The following NDC1 variants were observed in gnomAD, a reference collection of about 807,000 sequenced individuals.
The protein encoded by NDC1 is nucleoporin NDC1.
A neutral mutation model predicts 89.8 loss-of-function variants in NDC1; 24 were observed. The observed-to-expected ratio is 0.27, with a 90% confidence interval of 0.19 to 0.38. The LOEUF (loss-of-function observed/expected upper bound fraction) is 0.38, where lower values mean the gene tolerates loss of function less well. NDC1 is among the 10% of genes least tolerant of loss of function. NDC1 has a pLI of 1.00. For missense variants in NDC1, 728 were observed against 797.6 expected (o/e 0.91, Z 1.05); for synonymous variants, 296 against 284.8 (o/e 1.04, Z -0.39).
intron 11 of NDC1, among the ~76,000 whole-genome samples, chr1:53,797,877 C>T (rs1230811467): frequency 6.6e-6 from 1 of 152,082 alleles, no homozygotes; most frequent in Non-Finnish European, 1.5e-5. Context: ...TCCTCCTGCA[C>T]TGGCCTCCCA....
intron 11 of NDC1, among the ~76,000 whole-genome samples, chr1:53,798,274 A>T (rs1647792356): frequency 6.7e-6 from 1 of 150,224 alleles, no homozygotes; most frequent in Admixed American, 6.6e-5. Flanking sequence ...GTTCAAGTGA[A>T]ATCTCCTGCC....
Position 53,818,823 on chromosome 1 carries a change from T to C in NDC1, c.703+148A>G, listed in dbSNP as rs1648564031. ...TTCAACAATATTTTCCTAAATACATTCTCTTTGACAATTTAAACAATGAAT... is the reference window on the plus strand; with the variant it reads ...TTCAACAATATTTTCCTAAATACATCCTCTTTGACAATTTAAACAATGAAT... On this transcript the variant is annotated intron_variant, in intron 6 of 17. Transcript: ENST00000371429. 3 of 537,646 alleles carry C rather than the reference T, an allele frequency of 5.6e-6. No individual in the cohort carries two copies. The South Asian group carries it at 9.1e-5, about 16-fold the overall frequency. 33.3% of individuals were successfully genotyped at this position (537,646 alleles called of 1,614,324 possible). A position where few individuals can be genotyped will look rare whatever the true frequency, so the allele number is the denominator to read the frequency against.
At chr1:53,819,295 A>G (rs566746865) in intron 5 of NDC1, among the ~76,000 whole-genome samples, 53 of 152,350 alleles carry the variant, frequency 3.5e-4, no homozygotes, top group African/African-American at 1.3e-3. Flanking sequence ...ATAAAATCAG[A>G]AATAAGAAAA....
chr1:53,830,838 G>A (rs1649038320), intron 3 of NDC1, among the ~76,000 whole-genome samples: 1 of 151,814 alleles, frequency 6.6e-6, no homozygotes, highest in Admixed American at 6.6e-5. Context: ...CTCCAGCCTG[G>A]GCAACAAGAG....
chr1:53,832,072 T>C (rs1649085411), intron 3 of NDC1, among the ~76,000 whole-genome samples: 1 of 152,172 alleles, frequency 6.6e-6, no homozygotes, highest in Non-Finnish European at 1.5e-5. Flanking sequence ...ATTCGAACCA[T>C]TTTTAAGTAC....
chr1:53,828,955 A>T (rs1648965987), intron 3 of NDC1, among the ~76,000 whole-genome samples: 1 of 152,140 alleles, frequency 6.6e-6, no homozygotes, highest in Non-Finnish European at 1.5e-5. Flanking sequence ...TGAAACTGTC[A>T]ATATATAATC....
At chr1:53,791,959 T>C (rs972242614) in intron 14 of NDC1, among the ~76,000 whole-genome samples, 9 of 151,960 alleles carry the variant, frequency 5.9e-5, no homozygotes, top group Admixed American at 6.6e-5. Flanking sequence ...TTTTTTTTTT[T>C]TGAGACGGCG....
intron 13 of NDC1, among the ~76,000 whole-genome samples, chr1:53,794,636 C>T (rs751982085): frequency 6.6e-6 from 1 of 152,126 alleles, no homozygotes; most frequent in Non-Finnish European, 1.5e-5. Context: ...TTATGAGGCT[C>T]AGGCAGGATG....
At chr1:53,787,879 A>C (rs1365092199) in intron 15 of NDC1, among the ~76,000 whole-genome samples, 1 of 150,700 alleles carries the variant, frequency 6.6e-6, no homozygotes, top group Non-Finnish European at 1.5e-5. Flanking sequence ...AAAAAAAAAA[A>C]AAAACATGTG....
chr1:53,821,102 C>A (rs1448711041), intron 5 of NDC1, among the ~76,000 whole-genome samples: 4 of 151,930 alleles, frequency 2.6e-5, no homozygotes, highest in Non-Finnish European at 5.9e-5. Context: ...GAAACTATAT[C>A]TTCATATTAT....
chr1:53,798,192 TAG>T (rs1319296357), intron 11 of NDC1, among the ~76,000 whole-genome samples: 1 of 128,466 alleles, frequency 7.8e-6, no homozygotes. Flanking sequence ...TATTTTGAGA[TAG>T]AGTCTCACTC....
intron 3 of NDC1, among the ~76,000 whole-genome samples, chr1:53,830,673 C>G (rs1356808117): frequency 6.8e-6 from 1 of 147,792 alleles, no homozygotes; most frequent in African/African-American, 2.5e-5. Flanking sequence ...CCTGCCTGAC[C>G]AACATGGAGA....
chr1:53,828,401 A>AC (rs931916392), intron 3 of NDC1, among the ~76,000 whole-genome samples: 1 of 152,172 alleles, frequency 6.6e-6, no homozygotes, highest in African/African-American at 2.4e-5. Context: ...TAGAGATGAA[A>AC]CCTAAGGACA....
chr1:53,792,356 G>A (rs1647546800), intron 14 of NDC1, among the ~76,000 whole-genome samples: 2 of 152,046 alleles, frequency 1.3e-5, no homozygotes, highest in Non-Finnish European at 1.5e-5. Flanking sequence ...ATTATTTTTT[G>A]GTAAAGGTAA....
intron 4 of NDC1, 52 bp from the exon 5 acceptor site, chr1:53,825,988 T>C (rs1272638657): frequency 1.3e-6 from 2 of 1,560,550 alleles, no homozygotes; most frequent in African/African-American, 1.4e-5. Flanking sequence ...CATGTATCAC[T>C]GTTTTAGGCT....
intron 3 of NDC1, among the ~76,000 whole-genome samples, chr1:53,829,373 AGC>A (rs1648978335): frequency 6.6e-6 from 1 of 152,182 alleles, no homozygotes; most frequent in South Asian, 2.1e-4. Flanking sequence ...CATGTCACTA[AGC>A]CTTTTTATAT....
At position 53,797,113 on chromosome 1, in the gene NDC1, G is replaced by A. The variant is rs773466116; in HGVS notation, c.1254C>T (p.Ser418=). 2.4e-5 allele frequency: 38 copies of A among 1,613,988 alleles called. No homozygotes were observed. Among genetic ancestry groups the A allele is most frequent in the Non-Finnish European group, 3.0e-5 (35 of 1,179,962 alleles). Residue 418 remains serine, a synonymous_variant, in exon 12 of 18, where the codon AGC becomes AGT. Transcript: ENST00000371429. ...GTGGCACTGAAGGCCGAGGCATCTG[G>A]CTAGATTTTGGTGTCTGAAAAGCAG... ...EETAFQTPKS[S]QMPRPSVPPL... is the part of the protein sequence containing the mutation.
In NDC1 at chr1:53,819,001, T is replaced by C. The variant is rs1265727798; in HGVS notation, c.673A>G (p.Arg225Gly). Reference protein sequence around the residue: ...HSCVESLFLVRNFCILYYFLG... With the variant: ...HSCVESLFLVGNFCILYYFLG... ...AAATAATATAAAATGCAGAAATTTC[T>C]AACCAGGAACAGTGATTCCACACAA... Residue 225 changes from arginine to glycine, a missense_variant, in exon 6 of 18, where the codon AGA (arginine) becomes GGA (glycine). Coordinates refer to ENST00000371429, the MANE Select transcript of NDC1 (RefSeq NM_018087.5). The C allele has an allele frequency of 7.0e-6, 11 of 1,563,374 alleles. No homozygotes were observed. Among genetic ancestry groups the C allele is most frequent in the Non-Finnish European group, 9.5e-6 (11 of 1,153,166 alleles).
intron 16 of NDC1, among the ~76,000 whole-genome samples, chr1:53,783,657 A>G (rs1312677454): frequency 6.6e-6 from 1 of 152,186 alleles, no homozygotes; most frequent in East Asian, 1.9e-4. Context: ...GGAGGTGTTT[A>G]GGTCAGGAGG....
Sources: gnomAD v4.1 joint callset for allele counts (sites outside exome capture counted in the v4.1 genomes callset) on GRCh38, gnomAD v4.1.1 for gene constraint, MANE v1.5 for transcripts, NCBI Gene and HGNC (gene_info 2026-07-23, HGNC 2026-07-21) for gene names.